PNLIPRP3: variants seen among roughly 807,000 people sequenced by gnomAD.
PNLIPRP3 encodes pancreatic lipase-related protein 3.
PNLIPRP3 carries 58 observed loss-of-function variants against 52.8 expected under a neutral mutation model. The ratio of observed to expected loss-of-function variants is 1.10; its 90% CI spans 0.89 to 1.37. The LOEUF (loss-of-function observed/expected upper bound fraction) is 1.37, where lower values mean the gene tolerates loss of function less well. Among genes scored for constraint, PNLIPRP3 ranks in the 40% most tolerant of loss-of-function variants. The pLI is 0.00. For synonymous variants in PNLIPRP3, 192 were observed against 185.0 expected (o/e 1.04, Z -0.31); for missense variants, 593 against 561.6 (o/e 1.06, Z -0.57).
At chr10:116,464,690 C>T (rs7070032) in intron 7 of PNLIPRP3, among the ~76,000 whole-genome samples, 22,122 of 152,202 alleles carry the variant, frequency 0.15, 2,695 homozygotes, top group African/African-American at 0.32. Flanking sequence ...GCAGGAACCA[C>T]GCAGCCCCAA....
chr10:116,459,632 C>T (rs1846162376), intron 5 of PNLIPRP3, among the ~76,000 whole-genome samples: 1 of 152,152 alleles, frequency 6.6e-6, no homozygotes. Context: ...CCAGCCTTAG[C>T]AAACTAGTTA....
At chr10:116,451,588 G>A (rs1231708865) in intron 4 of PNLIPRP3, among the ~76,000 whole-genome samples, 2 of 152,124 alleles carry the variant, frequency 1.3e-5, no homozygotes, top group Non-Finnish European at 2.9e-5. Context: ...TTCTTGCTCA[G>A]TTAGTTCACA....
At chr10:116,476,927 T>A in intron 11 of PNLIPRP3, 108 bp downstream of exon 11, 1 of 1,294,556 alleles carries the variant, frequency 7.7e-7, no homozygotes, top group South Asian at 1.6e-5. Context: ...TTATAGACTT[T>A]GAAATTTTGC....
chr10:116,468,411 C>T (rs892199672), intron 8 of PNLIPRP3, among the ~76,000 whole-genome samples: 2 of 152,130 alleles, frequency 1.3e-5, no homozygotes, highest in African/African-American at 2.4e-5. Context: ...GAAACACTAG[C>T]TCTAATCATA....
intron 10 of PNLIPRP3, among the ~76,000 whole-genome samples, chr10:116,475,517 G>A (rs1169191250): frequency 2.0e-5 from 3 of 152,200 alleles, no homozygotes; most frequent in African/African-American, 7.2e-5. Context: ...AGTGAAGATA[G>A]TTCTTGGAAT....
intron 4 of PNLIPRP3, among the ~76,000 whole-genome samples, chr10:116,455,298 A>G (rs1236412008): frequency 6.6e-6 from 1 of 151,996 alleles, no homozygotes; most frequent in Non-Finnish European, 1.5e-5. Flanking sequence ...GTTATCCCAT[A>G]CATTTTCTAG....
intron 1 of PNLIPRP3, among the ~76,000 whole-genome samples, chr10:116,430,050 G>A (rs1281797888): frequency 1.3e-5 from 2 of 152,174 alleles, no homozygotes; most frequent in East Asian, 1.9e-4. Flanking sequence ...AGAGAAGGGA[G>A]TAATGTTGTG....
chr10:116,471,404 C>G (rs6585399), intron 9 of PNLIPRP3, among the ~76,000 whole-genome samples: 14,335 of 152,106 alleles, frequency 0.094, 868 homozygotes, highest in East Asian at 0.25. Context: ...CAAATAAAAA[C>G]TTGGCTATAG....
intron 2 of PNLIPRP3, among the ~76,000 whole-genome samples, chr10:116,441,337 G>T (rs981013643): frequency 6.6e-6 from 1 of 152,146 alleles, no homozygotes; most frequent in African/African-American, 2.4e-5. Flanking sequence ...GACAACAGAT[G>T]CTCAGACCCC....
chr10:116,436,723 G>A lies in PNLIPRP3; in HGVS notation c.62G>A (p.Cys21Tyr), dbSNP rs772840300. 2.5e-6 allele frequency: 4 copies of A among 1,608,858 alleles called. No homozygotes were observed. In the African/African-American group the frequency reaches 4.0e-5, roughly 16 times the overall value. The change falls in exon 2 of 12, where the codon TGC (cysteine) becomes TAC (tyrosine). Residue 21 changes from cysteine to tyrosine, a missense_variant. Coordinates refer to ENST00000369230, the MANE Select transcript of PNLIPRP3 (RefSeq NM_001011709.3). ...FFGTSRGKEV[C>Y]YERLGCFKDG... is the part of the protein sequence containing the mutation. ...CTTTCTGCTGCAGGAAAAGAAGTTT[G>A]CTATGAAAGGTTAGGGTGTTTCAAA...
intron 10 of PNLIPRP3, among the ~76,000 whole-genome samples, chr10:116,472,563 A>G (rs567439602): frequency 6.6e-6 from 1 of 152,328 alleles, no homozygotes; most frequent in South Asian, 2.1e-4. Flanking sequence ...ATCATCCTCA[A>G]ACACTGGGCA....
Position 116,477,115 on chromosome 10 carries a change from A to T in PNLIPRP3, c.1366A>T (p.Met456Leu). 1 of 1,598,334 alleles carries T rather than the reference A, an allele frequency of 6.3e-7. No homozygotes were observed. Among genetic ancestry groups the T allele is most frequent in the African/African-American group, 1.3e-5 (1 of 74,510 alleles). ...YKSTFCSQDI[M>L]GPNILQNLKP... The stretch of plus-strand genomic sequence containing the variant: ...ATCTACCTTCTGTAGCCAAGACATT[A>T]TGGGACCTAATATTCTCCAGAACCT... The change falls in exon 12 of 12, where the codon ATG becomes TTG. Residue 456 changes from methionine (M) to leucine (L), a missense_variant. Met to Leu is a conservative substitution (Grantham distance 15). Coordinates refer to ENST00000369230, the MANE Select transcript of PNLIPRP3 (RefSeq NM_001011709.3).
chr10:116,470,579 G>C (rs990327772), intron 9 of PNLIPRP3, among the ~76,000 whole-genome samples: 7 of 149,888 alleles, frequency 4.7e-5, no homozygotes, highest in Non-Finnish European at 8.9e-5. Flanking sequence ...GTGCGATCTC[G>C]GCTCACTGCA....
chr10:116,459,067 T>G (rs568900159), intron 5 of PNLIPRP3, among the ~76,000 whole-genome samples: 1 of 152,262 alleles, frequency 6.6e-6, no homozygotes, highest in East Asian at 1.9e-4. Flanking sequence ...CCTCCCGCCT[T>G]GCTGAAGTGC....
intron 5 of PNLIPRP3, among the ~76,000 whole-genome samples, chr10:116,458,976 A>C (rs527998064): frequency 6.6e-6 from 1 of 152,140 alleles, no homozygotes; most frequent in Admixed American, 6.5e-5. Context: ...CCAGATCACT[A>C]GTGGCTTTTT....
chr10:116,454,415 G>A (rs1846083270), intron 4 of PNLIPRP3, among the ~76,000 whole-genome samples: 3 of 152,192 alleles, frequency 2.0e-5, no homozygotes, highest in Admixed American at 2.0e-4. Context: ...CCCACGCCTG[G>A]CAGATGTACC....
At chr10:116,458,368 T>A (rs1846144927) in intron 5 of PNLIPRP3, among the ~76,000 whole-genome samples, 1 of 152,166 alleles carries the variant, frequency 6.6e-6, no homozygotes, top group South Asian at 2.1e-4. Context: ...ATAATTCTCT[T>A]CCCTTCTGTA....
intron 4 of PNLIPRP3, 32 bp downstream of exon 4, chr10:116,444,545 TG>T: frequency 6.3e-7 from 1 of 1,593,676 alleles, no homozygotes; most frequent in South Asian, 1.1e-5. Context: ...TTAATTATAT[TG>T]AATTGGTTTT....
At chr10:116,439,997 C>A in intron 2 of PNLIPRP3, 1 of 776,712 alleles carries the variant, frequency 1.3e-6, no homozygotes, top group Non-Finnish European at 2.4e-6. Flanking sequence ...ACGAAGAAGG[C>A]ATAAGCAGAC....
Sources: allele counts gnomAD v4.1 joint callset (sites outside exome capture counted in the v4.1 genomes callset), GRCh38; gene constraint gnomAD v4.1.1; transcripts MANE v1.5; gene names NCBI Gene and HGNC (gene_info 2026-07-23, HGNC 2026-07-21).